Variants in GTF2A1 observed in about 807,000 individuals in gnomAD.
The protein encoded by GTF2A1 is transcription initiation factor IIA subunit 1.
Under a neutral mutation model 54.1 loss-of-function variants are expected in GTF2A1, and 12 were observed. The ratio of observed to expected loss-of-function variants is 0.22; its 90% confidence interval spans 0.14 to 0.36. The LOEUF (loss-of-function observed/expected upper bound fraction) is 0.36. Among genes scored for constraint, GTF2A1 ranks in the 10% least tolerant of loss-of-function variants. The probability of loss-of-function intolerance (pLI) is 1.00; values close to 1 mark genes in which losing one functional copy is unlikely to be tolerated. For missense variants in GTF2A1, 335 were observed against 442.2 expected (o/e 0.76, Z 2.17); for synonymous variants, 145 against 152.0 (o/e 0.95, Z 0.34).
rs568654006 is a variant in GTF2A1, at chr14:81,205,879, ACACT to A, written c.133-1779_133-1776del. ...CTAGAATAGCGCACCATCAAAATAG[ACACT>A]CACATGCTAAATAAAACACATTATG... is the stretch of plus-strand genomic sequence containing the variant. On this transcript the variant is annotated intron_variant, in intron 2 of 8. Transcript: ENST00000553612. Among the ~76,000 whole-genome samples, 27 of 152,268 alleles carry A rather than the reference ACACT, an allele frequency of 1.8e-4. No individual in the cohort carries two copies. The East Asian group carries it at 5.0e-3, about 28-fold the overall frequency.
chr14:81,202,568 G>A (rs1384530811), intron 3 of GTF2A1: 5 of 459,828 alleles, frequency 1.1e-5, no homozygotes, highest in East Asian at 5.7e-5. Flanking sequence ...AAATAAGTTC[G>A]GCATCAATAT....
At chr14:81,181,582 T>C (rs1379315891) in intron 8 of GTF2A1, among the ~76,000 whole-genome samples, 2 of 152,222 alleles carry the variant, frequency 1.3e-5, no homozygotes, top group African/African-American at 2.4e-5. Flanking sequence ...TCTCACTCTG[T>C]TATCCAGGCT....
At position 81,220,660 on chromosome 14, in the gene GTF2A1, TGAA is replaced by T. The variant is rs2140049384; in HGVS notation, c.-145_-143del. 1.9e-6 allele frequency: 1 copy of T among 517,168 alleles called. No homozygotes were observed. The highest frequency in any genetic ancestry group is 3.3e-6 in the Non-Finnish European group (1 of 303,332). The allele number at this position is 517,168 out of a possible 1,614,324, so 32.0% of individuals were successfully genotyped here. A position where few individuals can be genotyped will look rare whatever the true frequency, so the allele number is the denominator to read the frequency against. On this transcript the variant is annotated 5_prime_UTR_variant, in exon 1 of 9. Transcript: ENST00000553612. The stretch of plus-strand genomic sequence containing the variant: ...AAAAAATTTTAAACAAAATCAATCC[TGAA>T]GGAGTAGGGGAGAGCGGAGAGAGGA...
chr14:81,185,456 A>G (rs1172966912), intron 8 of GTF2A1, 75 bp downstream of exon 8: 3 of 826,018 alleles, frequency 3.6e-6, no homozygotes, highest in Admixed American at 3.8e-5. Flanking sequence ...AAATGTTTCA[A>G]TAAGGCAGAA....
At chr14:81,196,026 T>C in intron 6 of GTF2A1, 82 bp downstream of exon 6, 1 of 1,259,856 alleles carries the variant, frequency 7.9e-7, no homozygotes, top group South Asian at 1.2e-5. Context: ...CTTTTGTGCA[T>C]ATAAGGAGAG....
chr14:81,185,383 C>T (rs1892721647), intron 8 of GTF2A1, 148 bp downstream of exon 8: 1 of 471,444 alleles, frequency 2.1e-6, no homozygotes, highest in Admixed American at 3.9e-5. Flanking sequence ...AAATAATCCA[C>T]AAAACTCTAA....
At position 81,185,525 on chromosome 14, in the gene GTF2A1, C is replaced by T; in HGVS notation, c.1023+6G>A. The T allele has an allele frequency of 7.0e-7, 1 of 1,432,890 alleles. No individual in the cohort carries two copies. The highest frequency in any genetic ancestry group is 1.4e-5 in the African/African-American group (1 of 71,472). 88.8% of individuals were successfully genotyped at this position (1,432,890 alleles called of 1,614,324 possible). A position where few individuals can be genotyped will look rare whatever the true frequency, so the allele number is the denominator to read the frequency against. ...AACGTCAGTAATCTGAAGATGACAT[C>T]CTTACCTTATCATATTGGCATACAA... is the stretch of plus-strand genomic sequence containing the variant. On this transcript the variant is annotated splice_donor_region_variant and intron_variant, in intron 8 of 8. Transcript: ENST00000553612.
intron 2 of GTF2A1, among the ~76,000 whole-genome samples, chr14:81,212,292 C>T (rs1893388880): frequency 6.6e-6 from 1 of 152,172 alleles, no homozygotes; most frequent in Non-Finnish European, 1.5e-5. Flanking sequence ...TTGATTTTAT[C>T]ATTCACTTTG....
intron 7 of GTF2A1, 98 bp downstream of exon 7, chr14:81,192,421 A>G (rs1347821627): frequency 4.6e-6 from 4 of 874,708 alleles, no homozygotes; most frequent in South Asian, 3.3e-5. Flanking sequence ...AGCACCTAAC[A>G]GTCTCTGAAA....
At chr14:81,216,150 T>G (rs1367567119) in intron 2 of GTF2A1, among the ~76,000 whole-genome samples, 2 of 152,252 alleles carry the variant, frequency 1.3e-5, no homozygotes, top group Admixed American at 1.3e-4. Context: ...TGCTAAGATT[T>G]TATATGGTTA....
intron 1 of GTF2A1, among the ~76,000 whole-genome samples, chr14:81,217,628 A>T (rs532264120): frequency 6.6e-6 from 1 of 152,252 alleles, no homozygotes; most frequent in African/African-American, 2.4e-5. Flanking sequence ...AGTGAAACCC[A>T]ATCTCCACAA....
chr14:81,204,221 G>C, intron 2 of GTF2A1, 117 bp from the exon 3 acceptor site: 1 of 807,976 alleles, frequency 1.2e-6, no homozygotes, highest in Non-Finnish European at 2.2e-6. Flanking sequence ...TACAGACACA[G>C]AAATACAACA....
At chr14:81,213,327 G>T (rs1380730407) in intron 2 of GTF2A1, among the ~76,000 whole-genome samples, 2 of 2,864 alleles carry the variant, frequency 7.0e-4, no homozygotes, top group East Asian at 1.4e-3. Context: ...GGAAACATTT[G>T]GTCTCAAAGA....
In GTF2A1 at chr14:81,199,746, C is replaced by G. The variant is rs181862570; in HGVS notation, c.402+1848G>C. On this transcript the variant is annotated intron_variant, in intron 4 of 8. Coordinates refer to ENST00000553612, the MANE Select transcript of GTF2A1 (RefSeq NM_015859.4). ...GCTCTTTAGAATAAAGGAGACTTAA[C>G]CAGTAAGTAAGAGATGGACCACTAA... Among the ~76,000 whole-genome samples the G allele has an allele frequency of 3.1e-3, 465 of 151,786 alleles. 2 individuals carry two copies. Among genetic ancestry groups the G allele is most frequent in the Non-Finnish European group, 5.6e-3 (380 of 68,008 alleles).
At chr14:81,206,640 T>C (rs569066483) in intron 2 of GTF2A1, among the ~76,000 whole-genome samples, 6 of 152,312 alleles carry the variant, frequency 3.9e-5, no homozygotes, top group Admixed American at 3.9e-4. Flanking sequence ...CTGGGGGTTA[T>C]TCAGGTTATT....
In GTF2A1 at chr14:81,180,203, A is replaced by G. The variant is rs1363708573; in HGVS notation, c.*20T>C. ...TTTTTTTTAAGTTTCTTTTATTTAT[A>G]AAAGAAAAAAAGCAACTCTTCACCA... On this transcript the variant is annotated 3_prime_UTR_variant, in exon 9 of 9. Transcript: ENST00000553612. 2.2e-6 allele frequency: 2 copies of G among 927,508 alleles called. No individual in the cohort carries two copies. Among genetic ancestry groups the G allele is most frequent in the Non-Finnish European group, 3.3e-6 (2 of 599,840 alleles). The allele number at this position is 927,508 out of a possible 1,614,324, so 57.5% of individuals were successfully genotyped here. A position where few individuals can be genotyped will look rare whatever the true frequency, so the allele number is the denominator to read the frequency against.
At chr14:81,197,294 C>A in intron 5 of GTF2A1, 115 bp downstream of exon 5, 2 of 614,846 alleles carry the variant, frequency 3.3e-6, no homozygotes, top group South Asian at 2.1e-5. Context: ...TAACCTAAAC[C>A]AAATGGTAAA....
At chr14:81,200,843 G>A (rs1223831261) in intron 4 of GTF2A1, among the ~76,000 whole-genome samples, 1 of 142,454 alleles carries the variant, frequency 7.0e-6, no homozygotes, top group Non-Finnish European at 1.5e-5. Context: ...TTATAAGGAA[G>A]TATTGAACTA....
rs1892563738 is a variant in GTF2A1, at chr14:81,178,042, C to T, written c.*2181G>A. ...TGCTTCAAAAATAACAAAATAACCACTCTGAAAGCAGTGGTTGTTAATATT... is the reference window on the plus strand; with the variant it reads ...TGCTTCAAAAATAACAAAATAACCATTCTGAAAGCAGTGGTTGTTAATATT... On this transcript the variant is annotated 3_prime_UTR_variant, in exon 9 of 9. Coordinates refer to ENST00000553612, the MANE Select transcript of GTF2A1 (RefSeq NM_015859.4). 6.6e-6 allele frequency: 1 copy of T among 152,066 alleles called. No homozygotes were observed. The highest frequency in any genetic ancestry group is 1.5e-5 in the Non-Finnish European group (1 of 67,970). The allele number at this position is 152,066 out of a possible 1,614,324, so 9.4% of individuals were successfully genotyped here. A position where few individuals can be genotyped will look rare whatever the true frequency, so the allele number is the denominator to read the frequency against.
Sources: allele counts gnomAD v4.1 joint callset (sites outside exome capture counted in the v4.1 genomes callset), GRCh38; gene constraint gnomAD v4.1.1; transcripts MANE v1.5; gene names NCBI Gene and HGNC (gene_info 2026-07-23, HGNC 2026-07-21).